The following SAMD12 variants were observed in gnomAD, a reference collection of about 807,000 sequenced individuals.
SAMD12 encodes sterile alpha motif domain-containing protein 12.
In SAMD12, 9 loss-of-function variants were observed where a neutral mutation model predicts 15.0. The observed-to-expected ratio is 0.60, with a 90% CI of 0.36 to 1.05. The LOEUF is 1.05. Ranked by LOEUF, SAMD12 falls within the 50% of genes least tolerant of loss-of-function variation. The pLI, the probability that SAMD12 is intolerant of heterozygous loss-of-function variation, is 0.01. For synonymous variants in SAMD12, 86 were observed against 90.1 expected (o/e 0.96, Z 0.25); for missense variants, 230 against 234.2 (o/e 0.98, Z 0.12).
At chr8:118,151,044 AT>A in the SAMD12 span, among the ~76,000 whole-genome samples, 13 of 148,594 alleles carry the variant, frequency 8.7e-5, no homozygotes, top group East Asian at 7.9e-4. Context: ...CTCTAAAAAA[AT>A]TTTTTTTTTA....
chr8:118,354,959 C>T (rs1436188393), intron 4 of SAMD12, among the ~76,000 whole-genome samples: 1 of 152,172 alleles, frequency 6.6e-6, no homozygotes, highest in African/African-American at 2.4e-5. Flanking sequence ...TTTAAAAATA[C>T]CACTATGGAA....
At chr8:118,298,483 G>A (rs146404342) in intron 4 of SAMD12, among the ~76,000 whole-genome samples, 4 of 152,072 alleles carry the variant, frequency 2.6e-5, no homozygotes, top group East Asian at 1.9e-4. Context: ...TCTGATCCCC[G>A]ATTTCTGCCT....
chr8:118,379,707 G>C lies in SAMD12; in HGVS notation c.323-7C>G. ...AGTCTCAGCAGGGCTCGCCCTGCAG[G>C]GTTTTAAGAAATAAAAGGAAAAGCA... On this transcript the variant is annotated splice_polypyrimidine_tract_variant and splice_region_variant and intron_variant, in intron 3 of 3. Coordinates refer to ENST00000314727, the MANE Select transcript of SAMD12 (RefSeq NM_207506.3). 1 of 1,607,358 alleles carries C rather than the reference G, an allele frequency of 6.2e-7. No homozygotes were observed. Among genetic ancestry groups the C allele is most frequent in the Non-Finnish European group, 8.5e-7 (1 of 1,176,020 alleles).
chr8:118,468,819 G>T (rs1201779532), intron 2 of SAMD12, among the ~76,000 whole-genome samples: 1 of 152,142 alleles, frequency 6.6e-6, no homozygotes, highest in African/African-American at 2.4e-5. Context: ...AGAGAAGGGA[G>T]GTACAAAAAG....
intron 2 of SAMD12, among the ~76,000 whole-genome samples, chr8:118,495,787 G>A (rs1824593353): frequency 6.6e-6 from 1 of 152,072 alleles, no homozygotes; most frequent in Non-Finnish European, 1.5e-5. Context: ...CCACATTTAG[G>A]TGCTCATTAA....
At chr8:118,303,581 T>C (rs1220087401) in intron 4 of SAMD12, among the ~76,000 whole-genome samples, 1 of 152,234 alleles carries the variant, frequency 6.6e-6, no homozygotes, top group Non-Finnish European at 1.5e-5. Context: ...TCTTCATTGT[T>C]GGCAGGGCCT....
At chr8:118,154,738 C>T in the SAMD12 span, among the ~76,000 whole-genome samples, 5 of 152,098 alleles carry the variant, frequency 3.3e-5, no homozygotes, top group Non-Finnish European at 5.9e-5. Context: ...GCACTGCAAA[C>T]ATTTGTGCAA....
intron 1 of SAMD12, among the ~76,000 whole-genome samples, chr8:118,601,501 T>C (rs1218823032): frequency 6.6e-6 from 1 of 152,200 alleles, no homozygotes; most frequent in Non-Finnish European, 1.5e-5. Context: ...CTCCCTTTTA[T>C]CCCACTCACT....
At chr8:118,370,808 G>C (rs1306009924) in intron 4 of SAMD12, among the ~76,000 whole-genome samples, 1 of 152,102 alleles carries the variant, frequency 6.6e-6, no homozygotes, top group Non-Finnish European at 1.5e-5. Flanking sequence ...GGGAGGGAGA[G>C]CATCAGGAAA....
intron 2 of SAMD12, among the ~76,000 whole-genome samples, chr8:118,507,810 A>G (rs757045765): frequency 3.9e-5 from 6 of 151,976 alleles, no homozygotes; most frequent in African/African-American, 1.5e-4. Context: ...TTTTCTATAC[A>G]TGGGTTCTGC....
At chr8:118,469,050 C>A (rs1438384946) in intron 2 of SAMD12, among the ~76,000 whole-genome samples, 2 of 152,164 alleles carry the variant, frequency 1.3e-5, no homozygotes, top group Non-Finnish European at 2.9e-5. Flanking sequence ...GGCAGCCCAG[C>A]ACATTTCTGC....
chr8:118,507,246 T>C (rs571600281), intron 2 of SAMD12, among the ~76,000 whole-genome samples: 1 of 152,126 alleles, frequency 6.6e-6, no homozygotes, highest in South Asian at 2.1e-4. Flanking sequence ...TATTACTCAT[T>C]TTATTCAAAG....
At chr8:118,520,046 T>C (rs1825347682) in intron 2 of SAMD12, among the ~76,000 whole-genome samples, 1 of 152,160 alleles carries the variant, frequency 6.6e-6, no homozygotes, top group African/African-American at 2.4e-5. Context: ...GGTCCCACAC[T>C]AGACAATGCT....
intron 4 of SAMD12, among the ~76,000 whole-genome samples, chr8:118,281,156 T>C (rs1289261978): frequency 6.6e-6 from 1 of 152,238 alleles, no homozygotes; most frequent in African/African-American, 2.4e-5. Context: ...AAAATTGTGT[T>C]ATTCTGGAAT....
At chr8:118,562,228 C>T (rs1826722412) in intron 2 of SAMD12, among the ~76,000 whole-genome samples, 1 of 152,116 alleles carries the variant, frequency 6.6e-6, no homozygotes, top group South Asian at 2.1e-4. Flanking sequence ...AATTGTAGCA[C>T]ATCCAAGTGG....
At chr8:118,303,933 G>A (rs528161878) in intron 4 of SAMD12, among the ~76,000 whole-genome samples, 12 of 152,252 alleles carry the variant, frequency 7.9e-5, no homozygotes, top group African/African-American at 2.6e-4. Context: ...GCCCGACAAC[G>A]ATCTTCGAGT....
chr8:118,151,069 G>A, the SAMD12 span, among the ~76,000 whole-genome samples: 5 of 136,002 alleles, frequency 3.7e-5, no homozygotes, highest in African/African-American at 5.5e-5. Context: ...CTAGTTTGAC[G>A]GATTTTTTCT....
intron 4 of SAMD12, among the ~76,000 whole-genome samples, chr8:118,315,063 C>G (rs1285286525): frequency 6.6e-6 from 1 of 152,152 alleles, no homozygotes; most frequent in East Asian, 1.9e-4. Flanking sequence ...TAGTTGATAA[C>G]TATGTTATCT....
intron 2 of SAMD12, among the ~76,000 whole-genome samples, chr8:118,548,942 G>C (rs1826227489): frequency 6.6e-6 from 1 of 152,252 alleles, no homozygotes. Context: ...AGCAGTCTGA[G>C]ATCAAAGTGC....
Sources: allele counts gnomAD v4.1 joint callset (sites outside exome capture counted in the v4.1 genomes callset), GRCh38; gene constraint gnomAD v4.1.1; transcripts MANE v1.5; gene names NCBI Gene and HGNC (gene_info 2026-07-23, HGNC 2026-07-21).